Variants in PTPRD observed in about 807,000 individuals in gnomAD.
PTPRD encodes receptor-type tyrosine-protein phosphatase delta.
Under a neutral mutation model 214.5 loss-of-function variants are expected in PTPRD, and 34 were observed. The observed-to-expected ratio is 0.16, with a 90% CI of 0.12 to 0.21. PTPRD has a LOEUF of 0.21. PTPRD is among the 10% of genes least tolerant of loss of function. The pLI, the probability that PTPRD is intolerant of heterozygous loss-of-function variation, is 1.00. For synonymous variants in PTPRD, 1,128 were observed against 845.7 expected (o/e 1.33, Z -5.79); for missense variants, 2,545 against 2,398.7 (o/e 1.06, Z -1.27).
At chr9:9,501,939 C>A (rs935713913) in intron 8 of PTPRD, among the ~76,000 whole-genome samples, 2 of 151,714 alleles carry the variant, frequency 1.3e-5, no homozygotes, top group African/African-American at 2.4e-5. Context: ...TTGGAGGGAA[C>A]TTTAGGAAAT....
chr9:8,959,693 T>A (rs930761368), intron 11 of PTPRD, among the ~76,000 whole-genome samples: 1 of 152,046 alleles, frequency 6.6e-6, no homozygotes, highest in Admixed American at 6.6e-5. Flanking sequence ...AATGAAAGAA[T>A]CATTGAGTAT....
chr9:8,954,102 A>G (rs2099118464), intron 11 of PTPRD, among the ~76,000 whole-genome samples: 1 of 152,018 alleles, frequency 6.6e-6, no homozygotes, highest in Non-Finnish European at 1.5e-5. Context: ...CCAGGCACCC[A>G]TTCACAATGG....
intron 5 of PTPRD, among the ~76,000 whole-genome samples, chr9:9,798,708 T>C (rs553748115): frequency 4.6e-5 from 7 of 152,258 alleles, no homozygotes; most frequent in African/African-American, 1.7e-4. Flanking sequence ...ATAAGCCATA[T>C]GTAGAGAAGA....
At chr9:9,992,378 G>GTA (rs2095970251) in intron 4 of PTPRD, among the ~76,000 whole-genome samples, 5 of 152,178 alleles carry the variant, frequency 3.3e-5, no homozygotes, top group Non-Finnish European at 7.3e-5. Flanking sequence ...CAACCATTGT[G>GTA]GAAGCCAGTG....
At chr9:9,799,450 C>T (rs1317196175) in intron 5 of PTPRD, 1 of 152,118 alleles carries the variant, frequency 6.6e-6, no homozygotes, top group African/African-American at 2.4e-5. Flanking sequence ...ACTCTAAAGG[C>T]CAGGCCAAAT....
At chr9:8,353,474 G>A (rs1441962579) in intron 39 of PTPRD, among the ~76,000 whole-genome samples, 1 of 152,078 alleles carries the variant, frequency 6.6e-6, no homozygotes, top group East Asian at 1.9e-4. Flanking sequence ...CTGCTGCCCA[G>A]GAGGCTGGAG....
In PTPRD at chr9:9,622,059, T is replaced by A. The variant is rs1593284635; in HGVS notation, c.-286-47278A>T. Among the ~76,000 whole-genome samples the A allele has an allele frequency of 1.3e-5, 2 of 152,286 alleles. 1 individual carries two copies. The highest frequency in any genetic ancestry group is 6.8e-3 in the Middle Eastern group (2 of 294). On this transcript the variant is annotated intron_variant, in intron 7 of 45. Coordinates refer to ENST00000381196, the MANE Select transcript of PTPRD (RefSeq NM_002839.4). Reference sequence around the variant, plus strand: ...TTGGATATATGTTGCCTTTCACAATTTACTAACTTTCTCAAAACACAGACT... The same window carrying A: ...TTGGATATATGTTGCCTTTCACAATATACTAACTTTCTCAAAACACAGACT...
intron 36 of PTPRD, among the ~76,000 whole-genome samples, chr9:8,399,532 C>A (rs2129915731): frequency 6.6e-6 from 1 of 151,822 alleles, no homozygotes; most frequent in South Asian, 2.1e-4. Context: ...AGTATATTTC[C>A]CAATATACCT....
chr9:9,220,877 C>G (rs924875764), intron 9 of PTPRD, among the ~76,000 whole-genome samples: 2 of 152,036 alleles, frequency 1.3e-5, no homozygotes, highest in South Asian at 4.1e-4. Flanking sequence ...TGAAGAGGTA[C>G]TACAATTTAT....
chr9:9,157,662 C>T (rs2154492432), intron 10 of PTPRD, among the ~76,000 whole-genome samples: 1 of 152,298 alleles, frequency 6.6e-6, no homozygotes, highest in Non-Finnish European at 1.5e-5. Context: ...GACCAGATGG[C>T]TTCACCACTG....
chr9:9,580,794 C>T (rs1290047781), intron 7 of PTPRD, among the ~76,000 whole-genome samples: 1 of 151,982 alleles, frequency 6.6e-6, no homozygotes, highest in Non-Finnish European at 1.5e-5. Flanking sequence ...TGTGATCCAC[C>T]CACCTCAGCC....
At chr9:10,508,808 A>G (rs1437504548) in intron 2 of PTPRD, among the ~76,000 whole-genome samples, 1 of 152,006 alleles carries the variant, frequency 6.6e-6, no homozygotes, top group Non-Finnish European at 1.5e-5. Flanking sequence ...GTGGGGGTAG[A>G]GGGGAAGGAA....
intron 10 of PTPRD, among the ~76,000 whole-genome samples, chr9:9,041,334 T>C (rs2099639158): frequency 6.6e-6 from 1 of 152,050 alleles, no homozygotes; most frequent in Admixed American, 6.6e-5. Flanking sequence ...TAGTACCCAT[T>C]AGTTATTTTT....
intron 11 of PTPRD, among the ~76,000 whole-genome samples, chr9:8,772,234 A>G (rs76582384): frequency 6.6e-6 from 1 of 152,218 alleles, no homozygotes; most frequent in East Asian, 1.9e-4. Flanking sequence ...TTTCAAGTTC[A>G]TTAACCTTTT....
At chr9:8,493,023 T>TA (rs2097182531) in intron 26 of PTPRD, 44 bp from the exon 27 acceptor site, 5 of 1,503,476 alleles carry the variant, frequency 3.3e-6, no homozygotes, top group Non-Finnish European at 4.6e-6. Flanking sequence ...AACATGCTAC[T>TA]AATGCTCTGG....
At chr9:8,635,791 A>G (rs1512380) in intron 13 of PTPRD, among the ~76,000 whole-genome samples, 28,596 of 152,018 alleles carry the variant, frequency 0.19, 3,020 homozygotes, top group South Asian at 0.3. Context: ...AATTAAAGCT[A>G]TCCTTCTCAT....
In PTPRD at chr9:9,699,592, T is replaced by C. The variant is rs1352492492; in HGVS notation, c.-287+34941A>G. On this transcript the variant is annotated intron_variant, in intron 7 of 45. Coordinates refer to ENST00000381196, the MANE Select transcript of PTPRD (RefSeq NM_002839.4). ...ACCCCCCCAATACAGCTACTTAAAA[T>C]ATCCCATTTCGGAAAATGCTCACTT... Among the ~76,000 whole-genome samples, 3 of 152,174 alleles carry C rather than the reference T, an allele frequency of 2.0e-5. 1 individual carries two copies. Among genetic ancestry groups the C allele is most frequent in the African/African-American group, 7.2e-5 (3 of 41,454 alleles).
chr9:8,487,611 G>C (rs969720086), intron 27 of PTPRD, among the ~76,000 whole-genome samples: 1 of 152,074 alleles, frequency 6.6e-6, no homozygotes, highest in Admixed American at 6.5e-5. Flanking sequence ...GGGAGTTTGA[G>C]ACCAGCCTGA....
At chr9:10,202,920 C>T (rs1043690723) in intron 3 of PTPRD, among the ~76,000 whole-genome samples, 5 of 151,646 alleles carry the variant, frequency 3.3e-5, no homozygotes, top group African/African-American at 1.2e-4. Context: ...CTGTGGGTAC[C>T]TTGATCTTGG....
Sources: gnomAD v4.1 joint callset for allele counts (sites outside exome capture counted in the v4.1 genomes callset) on GRCh38, gnomAD v4.1.1 for gene constraint, MANE v1.5 for transcripts, NCBI Gene and HGNC (gene_info 2026-07-23, HGNC 2026-07-21) for gene names.